The following TMEM132D variants were observed in gnomAD, a reference collection of about 807,000 sequenced individuals.
TMEM132D encodes the protein transmembrane protein 132D, also known as mature OL transmembrane protein.
A neutral mutation model predicts 62.3 loss-of-function variants in TMEM132D; 21 were observed. The observed-to-expected ratio is 0.34, with a 90% confidence interval of 0.24 to 0.49. The LOEUF is 0.49. Among genes scored for constraint, TMEM132D ranks in the 20% least tolerant of loss-of-function variants. The probability of loss-of-function intolerance (pLI) is 0.99; values close to 1 mark genes in which losing one functional copy is unlikely to be tolerated. For missense variants in TMEM132D, 1,346 were observed against 1,402.8 expected (o/e 0.96, Z 0.65); for synonymous variants, 621 against 575.6 (o/e 1.08, Z -1.13).
chr12:129,809,096 T>G (rs1485337917), intron 1 of TMEM132D, among the ~76,000 whole-genome samples: 1 of 152,058 alleles, frequency 6.6e-6, no homozygotes, highest in Non-Finnish European at 1.5e-5. Flanking sequence ...TCACCTGAGG[T>G]CAGGTGTTCG....
intron 1 of TMEM132D, among the ~76,000 whole-genome samples, chr12:129,738,981 ACTCTCACAGTCTTAC>A (rs758411011): frequency 2.6e-4 from 40 of 151,990 alleles, no homozygotes; most frequent in Non-Finnish European, 3.8e-4. Flanking sequence ...TGGAACAGAA[ACTCTCACAGTCTTAC>A]CCCAAATCAT....
At chr12:129,704,785 G>C (rs1881464384) in intron 1 of TMEM132D, among the ~76,000 whole-genome samples, 2 of 152,200 alleles carry the variant, frequency 1.3e-5, no homozygotes, top group African/African-American at 2.4e-5. Flanking sequence ...ACCAATAAAA[G>C]CTGCAGAGTA....
At chr12:129,293,519 C>A (rs985782373) in intron 4 of TMEM132D, among the ~76,000 whole-genome samples, 1 of 152,042 alleles carries the variant, frequency 6.6e-6, no homozygotes, top group African/African-American at 2.4e-5. Context: ...CACTTGATTT[C>A]TATTATTCTT....
chr12:129,107,893 A>G (rs1427780977), intron 5 of TMEM132D, among the ~76,000 whole-genome samples: 1 of 149,896 alleles, frequency 6.7e-6, no homozygotes, highest in Non-Finnish European at 1.5e-5. Context: ...GAGTTTCACC[A>G]TGTTGCCCAG....
chr12:129,386,034 A>G (rs2135690411), intron 3 of TMEM132D, among the ~76,000 whole-genome samples: 1 of 152,256 alleles, frequency 6.6e-6, no homozygotes, highest in Admixed American at 6.5e-5. Context: ...TGTCTTTACA[A>G]ATGGCTTATT....
At chr12:129,386,589 C>A (rs1420815541) in intron 3 of TMEM132D, among the ~76,000 whole-genome samples, 1 of 151,348 alleles carries the variant, frequency 6.6e-6, no homozygotes, top group Non-Finnish European at 1.5e-5. Flanking sequence ...CCAATGCCAA[C>A]ACTATCACTA....
chr12:129,178,224 G>A (rs1199855831), intron 5 of TMEM132D, among the ~76,000 whole-genome samples: 1 of 152,106 alleles, frequency 6.6e-6, no homozygotes, highest in Non-Finnish European at 1.5e-5. Context: ...TAGTGCTGTG[G>A]TGAACATACA....
chr12:129,783,320 A>T (rs1440727198), intron 1 of TMEM132D, among the ~76,000 whole-genome samples: 1 of 152,180 alleles, frequency 6.6e-6, no homozygotes, highest in Admixed American at 6.5e-5. Context: ...GAGGGTTGGA[A>T]ACACACTAGA....
rs1876449943 is a variant in TMEM132D, at chr12:129,133,752, TGGCTCA to T, written c.1444-49056_1444-49051del. 3.3e-5 allele frequency among the ~76,000 whole-genome samples: 5 copies of T among 152,394 alleles called. No individual in the cohort carries two copies. The South Asian group carries it at 1.0e-3, about 32-fold the overall frequency. ...GGCCCCCAGTCCCTGCATAGGCACT[TGGCTCA>T]GGCCTCACTTAGTGAAGTACCTCAT... On this transcript the variant is annotated intron_variant, in intron 5 of 8. Coordinates refer to ENST00000422113, the MANE Select transcript of TMEM132D (RefSeq NM_133448.3).
chr12:129,535,078 C>T (rs7960253), intron 2 of TMEM132D, among the ~76,000 whole-genome samples: 133,534 of 152,236 alleles, frequency 0.88, 58,683 homozygotes, highest in East Asian at 0.99. Context: ...ACCCAGGTTG[C>T]TGGGTGTCTC....
chr12:129,761,941 G>A (rs557326327), intron 1 of TMEM132D, among the ~76,000 whole-genome samples: 5 of 152,254 alleles, frequency 3.3e-5, no homozygotes, highest in African/African-American at 1.2e-4. Context: ...GTGAATGTCA[G>A]GATGTTATAT....
intron 2 of TMEM132D, among the ~76,000 whole-genome samples, chr12:129,690,376 A>G (rs1289455270): frequency 6.6e-6 from 1 of 152,180 alleles, no homozygotes; most frequent in African/African-American, 2.4e-5. Flanking sequence ...ATGTGAACAG[A>G]CTAAATATAC....
chr12:129,651,329 T>A (rs1879922309), intron 2 of TMEM132D, among the ~76,000 whole-genome samples: 1 of 152,194 alleles, frequency 6.6e-6, no homozygotes, highest in East Asian at 1.9e-4. Context: ...GAAGTGGAAT[T>A]GTATGAAAAG....
intron 6 of TMEM132D, among the ~76,000 whole-genome samples, chr12:129,083,419 C>A (rs565718602): frequency 6.6e-6 from 1 of 152,334 alleles, no homozygotes; most frequent in African/African-American, 2.4e-5. Context: ...TGAGACTCAG[C>A]CAGGTCTTTG....
intron 4 of TMEM132D, among the ~76,000 whole-genome samples, chr12:129,315,670 G>C (rs1473894801): frequency 6.6e-6 from 1 of 152,168 alleles, no homozygotes; most frequent in Admixed American, 6.5e-5. Context: ...GAATGAATTA[G>C]GGAGGGTTCC....
intron 1 of TMEM132D, among the ~76,000 whole-genome samples, chr12:129,717,882 T>G (rs1868648349): frequency 6.6e-6 from 1 of 152,172 alleles, no homozygotes; most frequent in Admixed American, 6.5e-5. Context: ...TCAAGTGCGC[T>G]CGTGCTGGTG....
chr12:129,461,168 G>A (rs994748632), intron 3 of TMEM132D, among the ~76,000 whole-genome samples: 1 of 152,138 alleles, frequency 6.6e-6, no homozygotes, highest in Admixed American at 6.5e-5. Context: ...GAATGAGCTG[G>A]GTGGAGGAGG....
intron 1 of TMEM132D, among the ~76,000 whole-genome samples, chr12:129,896,532 G>A (rs565029023): frequency 6.6e-6 from 1 of 152,152 alleles, no homozygotes; most frequent in South Asian, 2.1e-4. Context: ...TGACCAAAAT[G>A]CAAACAAACA....
Position 129,238,996 on chromosome 12 carries a change from G to GGTTTTTTTTTTTTTTTTTT in TMEM132D, c.1300-29334_1300-29333insAAAAAAAAAAAAAAAAAAC, listed in dbSNP as rs374959544. On this transcript the variant is annotated intron_variant, in intron 4 of 8. Transcript: ENST00000422113. ...TCCTCATCAACATTTGTTATTTTCT[G>GGTTTTTTTTTTTTTTTTTT]TTTTTTTTTTTTTTTTGGACAGTAA... 3.8e-5 allele frequency among the ~76,000 whole-genome samples: 5 copies of GGTTTTTTTTTTTTTTTTTT among 133,046 alleles called. 2 individuals carry two copies. The highest frequency in any genetic ancestry group is 8.0e-5 in the Non-Finnish European group (5 of 62,306). 87.3% of individuals were successfully genotyped at this position (133,046 alleles called of 152,430 possible). A position where few individuals can be genotyped will look rare whatever the true frequency, so the allele number is the denominator to read the frequency against.
Sources: gnomAD v4.1 joint callset for allele counts (sites outside exome capture counted in the v4.1 genomes callset) on GRCh38, gnomAD v4.1.1 for gene constraint, MANE v1.5 for transcripts, NCBI Gene and HGNC (gene_info 2026-07-23, HGNC 2026-07-21) for gene names.